RXFP2: variants seen among roughly 807,000 people sequenced by gnomAD.
RXFP2 encodes relaxin receptor 2.
A neutral mutation model predicts 88.6 loss-of-function variants in RXFP2; 68 were observed. The observed-to-expected ratio is 0.77, with a 90% CI of 0.63 to 0.94. RXFP2 has a LOEUF of 0.94. RXFP2 is among the 40% of genes least tolerant of loss of function. RXFP2 has a pLI of 0.00. For missense variants in RXFP2, 791 were observed against 893.9 expected, an observed-to-expected ratio of 0.88 and a Z score of 1.47; for synonymous variants, 329 against 306.8, an observed-to-expected ratio of 1.07 and a Z score of -0.76.
chr13:31,767,337 T>C (rs1437909484), intron 5 of RXFP2, among the ~76,000 whole-genome samples: 1 of 152,206 alleles, frequency 6.6e-6, no homozygotes, highest in Admixed American at 6.5e-5. Flanking sequence ...TGTGGGTATG[T>C]GGTCATGTCA....
At chr13:31,801,064 TAGAG>T (rs745838447) in intron 17 of RXFP2, among the ~76,000 whole-genome samples, 43 of 150,914 alleles carry the variant, frequency 2.8e-4, no homozygotes, top group African/African-American at 9.3e-4. Context: ...GAAGAAGACA[TAGAG>T]AGGAAGAACA....
chr13:31,739,547 T>C lies in RXFP2; in HGVS notation c.-66T>C. 2 of 1,009,910 alleles carry C rather than the reference T, an allele frequency of 2.0e-6. No individual in the cohort carries two copies. The highest frequency in any genetic ancestry group is 2.5e-5 in the South Asian group (2 of 78,444). 62.6% of individuals were successfully genotyped at this position (1,009,910 alleles called of 1,614,324 possible). ...GCTCAGAACATGGGAGGCACTGAACTTACTACATCAGAACTCCTGCTGAGG... is the reference window on the plus strand; with the variant it reads ...GCTCAGAACATGGGAGGCACTGAACCTACTACATCAGAACTCCTGCTGAGG... On this transcript the variant is annotated 5_prime_UTR_variant, in exon 1 of 18. Transcript: ENST00000298386.
At chr13:31,751,787 C>T (rs1209717887) in intron 1 of RXFP2, among the ~76,000 whole-genome samples, 2 of 152,218 alleles carry the variant, frequency 1.3e-5, no homozygotes, top group Admixed American at 6.5e-5. Flanking sequence ...TTCACAATCC[C>T]CCTTTCCATG....
intron 1 of RXFP2, among the ~76,000 whole-genome samples, chr13:31,749,567 T>G (rs9603630): frequency 0.56 from 85,153 of 152,020 alleles, 24,970 homozygotes; most frequent in South Asian, 0.71. Flanking sequence ...CACTTATTTA[T>G]GTTTGTAATG....
At chr13:31,801,837 A>C (rs1874360872) in intron 17 of RXFP2, among the ~76,000 whole-genome samples, 1 of 142,756 alleles carries the variant, frequency 7.0e-6, no homozygotes, top group African/African-American at 2.5e-5. Flanking sequence ...TTTTCCTATA[A>C]AGGAAGGTGA....
In RXFP2 at chr13:31,757,949, G is replaced by A. The variant is rs568394766; in HGVS notation, c.95-309G>A. On this transcript the variant is annotated intron_variant, in intron 1 of 17. Transcript: ENST00000298386. ...TCTACTAAAAATACAAAAATTAGCC[G>A]GGTGTGGTGGTTCACGTCTGTAATC... is the stretch of plus-strand genomic sequence containing the variant. Among the ~76,000 whole-genome samples the A allele has an allele frequency of 3.6e-3, 541 of 152,100 alleles. 2 individuals are homozygous for A. Among genetic ancestry groups the A allele is most frequent in the Non-Finnish European group, 5.9e-3 (402 of 67,982 alleles).
intron 2 of RXFP2, among the ~76,000 whole-genome samples, chr13:31,759,047 CAA>C (rs537553906): frequency 7.5e-6 from 1 of 133,736 alleles, no homozygotes. Context: ...AACTCCATCT[CAA>C]AAAAAAAAAA....
rs1435651993 is a variant in RXFP2 at position 31,765,021 on chromosome 13, C to G, written c.320-16C>G. 2 of 1,381,218 alleles carry G rather than the reference C, an allele frequency of 1.4e-6. No homozygotes were observed. Among genetic ancestry groups the G allele is most frequent in the African/African-American group, 2.8e-5 (2 of 70,300 alleles). 85.6% of individuals were successfully genotyped at this position (1,381,218 alleles called of 1,614,324 possible). A position where few individuals can be genotyped will look rare whatever the true frequency, so the allele number is the denominator to read the frequency against. On this transcript the variant is annotated splice_polypyrimidine_tract_variant and intron_variant, in intron 3 of 17. Transcript: ENST00000298386. ...ATTTGTTTACTAGTGAAATCTTACT[C>G]TTTTTGTCCCATTAGTTCTAAAACA...
intron 10 of RXFP2, 116 bp from the exon 11 acceptor site, chr13:31,782,560 T>G: frequency 1.3e-6 from 1 of 792,952 alleles, no homozygotes; most frequent in Non-Finnish European, 2.2e-6. Context: ...GATGCCTCCC[T>G]TGAAGACTTC....
intron 1 of RXFP2, 134 bp from the exon 2 acceptor site, chr13:31,758,124 T>C: frequency 1.1e-6 from 1 of 889,268 alleles, no homozygotes; most frequent in East Asian, 2.4e-5. Context: ...TTGAGAATAT[T>C]ATTCAAAGAA....
At position 31,798,228 on chromosome 13, in the gene RXFP2, T is replaced by C. The variant is rs538705784; in HGVS notation, c.2005+809T>C. Among the ~76,000 whole-genome samples, 3 of 152,318 alleles carry C rather than the reference T, an allele frequency of 2.0e-5. No homozygotes were observed. The East Asian group carries it at 5.8e-4, about 29-fold the overall frequency. Reference sequence around the variant, plus strand: ...TGAATGCACAGACGATAAACAGCTGTAACAACCTATGTCCCTCCTGTGCAC... The same window carrying C: ...TGAATGCACAGACGATAAACAGCTGCAACAACCTATGTCCCTCCTGTGCAC... On this transcript the variant is annotated intron_variant, in intron 17 of 17. Transcript: ENST00000298386.
intron 16 of RXFP2, among the ~76,000 whole-genome samples, chr13:31,796,617 T>C (rs559478407): frequency 4.6e-5 from 7 of 152,332 alleles, no homozygotes; most frequent in African/African-American, 1.4e-4. Context: ...TTTAGAAGTC[T>C]ATAATTCCTC....
intron 9 of RXFP2, among the ~76,000 whole-genome samples, chr13:31,780,714 G>A (rs1873225949): frequency 1.3e-5 from 2 of 152,212 alleles, no homozygotes; most frequent in South Asian, 4.1e-4. Flanking sequence ...CTCAAAGAGG[G>A]AATGTCAGAG....
At chr13:31,787,102 A>G (rs1873581069) in intron 13 of RXFP2, among the ~76,000 whole-genome samples, 1 of 152,240 alleles carries the variant, frequency 6.6e-6, no homozygotes. Context: ...AAATTAATGT[A>G]CAGTATTTTT....
chr13:31,802,576 C>A lies in RXFP2; in HGVS notation c.*171C>A. On this transcript the variant is annotated 3_prime_UTR_variant, in exon 18 of 18. Transcript: ENST00000298386. ...TTCCAATGGCAGCTGTACTATCTAC[C>A]AACCATGCTGAGGACAGCACCAAAG... 4 of 761,438 alleles carry A rather than the reference C, an allele frequency of 5.3e-6. No homozygotes were observed. Among genetic ancestry groups the A allele is most frequent in the Admixed American group, 3.9e-5 (2 of 50,800 alleles). The allele number at this position is 761,438 out of a possible 1,614,324, so 47.2% of individuals were successfully genotyped here.
At chr13:31,792,103 GTATTTATTGGCT>G in intron 15 of RXFP2, 68 bp downstream of exon 15, 1 of 1,122,750 alleles carries the variant, frequency 8.9e-7, no homozygotes, top group Non-Finnish European at 1.3e-6. Context: ...ACATATATAT[GTATTTATTGGCT>G]TTCAACAAAT....
intron 17 of RXFP2, among the ~76,000 whole-genome samples, chr13:31,799,386 A>ATTTTTAGTAGAGACAGGG (rs1027593816): frequency 6.6e-5 from 10 of 152,134 alleles, no homozygotes; most frequent in Middle Eastern, 3.4e-3. Context: ...TAATTTTTGT[A>ATTTTTAGTAGAGACAGGG]TTTTTAGTAG....
chr13:31,761,757 C>G lies in RXFP2; in HGVS notation c.275C>G (p.Thr92Arg), dbSNP rs1216724234. ...DTSGWATIFG[T>R]VHGNANSVAL... ...AGTGGATGGGCGACCATATTTGGCA[C>G]AGTGCATGGAAATGCTAACAGCGTG... The change falls in exon 3 of 18, where the codon ACA (threonine) becomes AGA (arginine). Residue 92 changes from threonine (T) to arginine (R), a missense_variant. Coordinates refer to ENST00000298386, the MANE Select transcript of RXFP2 (RefSeq NM_130806.5). 6.2e-7 allele frequency: 1 copy of G among 1,613,186 alleles called. No individual in the cohort carries two copies. Among genetic ancestry groups the G allele is most frequent in the Non-Finnish European group, 8.5e-7 (1 of 1,179,200 alleles).
At chr13:31,794,099 C>T (rs1300722220) in intron 16 of RXFP2, among the ~76,000 whole-genome samples, 2 of 152,172 alleles carry the variant, frequency 1.3e-5, no homozygotes, top group Non-Finnish European at 2.9e-5. Flanking sequence ...AAATTAGTCA[C>T]TTAAAACTCA....
Sources: gnomAD v4.1 joint callset for allele counts (sites outside exome capture counted in the v4.1 genomes callset) on GRCh38, gnomAD v4.1.1 for gene constraint, MANE v1.5 for transcripts, NCBI Gene and HGNC (gene_info 2026-07-23, HGNC 2026-07-21) for gene names.